TRIM37: variants seen among roughly 807,000 people sequenced by gnomAD.
TRIM37 encodes tripartite motif containing 37.
A neutral mutation model predicts 129.8 loss-of-function variants in TRIM37; 80 were observed. That is an observed-to-expected ratio of 0.62 (90% CI 0.51 to 0.74). TRIM37 has a LOEUF of 0.74. Among genes scored for constraint, TRIM37 ranks in the 30% least tolerant of loss-of-function variants. The probability of loss-of-function intolerance (pLI) is 0.00; values close to 1 mark genes in which losing one functional copy is unlikely to be tolerated. For synonymous variants in TRIM37, 389 were observed against 387.1 expected (o/e 1.00, Z -0.06); for missense variants, 1,054 against 1,176.5 (o/e 0.90, Z 1.52).
intron 22 of TRIM37, among the ~76,000 whole-genome samples, chr17:59,001,924 T>G (rs180783576): frequency 1.2e-4 from 18 of 152,342 alleles, no homozygotes; most frequent in African/African-American, 4.3e-4. Context: ...TTATTTCTGT[T>G]CTCAAAGTTT....
At chr17:58,990,973 G>C (rs2032332858) in intron 24 of TRIM37, among the ~76,000 whole-genome samples, 1 of 150,792 alleles carries the variant, frequency 6.6e-6, no homozygotes, top group Non-Finnish European at 1.5e-5. Context: ...AGGAGTTCAA[G>C]ACCAGCCTGG....
chr17:59,048,623 G>C (rs928554574), intron 15 of TRIM37, among the ~76,000 whole-genome samples: 1 of 151,852 alleles, frequency 6.6e-6, no homozygotes, highest in Admixed American at 6.6e-5. Context: ...TTGAGACAGA[G>C]TCTTGCTCTG....
Position 59,000,799 on chromosome 17 carries a change from G to GA in TRIM37, c.2812+798dup, listed in dbSNP as rs552682855. ...GTTATCTTACAGTAGGCTAGAAAAGGAAAAAAAACCCAAACATCTGAAATC... is the reference window on the plus strand; with the variant it reads ...GTTATCTTACAGTAGGCTAGAAAAGGAAAAAAAAACCCAAACATCTGAAATC... On this transcript the variant is annotated intron_variant, in intron 23 of 23. Coordinates refer to ENST00000262294, the MANE Select transcript of TRIM37 (RefSeq NM_015294.6). 2.0e-3 allele frequency among the ~76,000 whole-genome samples: 298 copies of GA among 151,650 alleles called. 2 individuals carry two copies. The highest frequency in any genetic ancestry group is 6.6e-3 in the African/African-American group (275 of 41,354).
At chr17:59,025,413 T>C (rs1272940056) in intron 19 of TRIM37, among the ~76,000 whole-genome samples, 2 of 151,236 alleles carry the variant, frequency 1.3e-5, no homozygotes, top group Non-Finnish European at 2.9e-5. Context: ...AATATTCATG[T>C]CATGAATGTT....
At chr17:59,092,795 G>C (rs144238168) in intron 2 of TRIM37, among the ~76,000 whole-genome samples, 3,168 of 152,130 alleles carry the variant, frequency 0.021, 41 homozygotes, top group South Asian at 0.036. Context: ...AAATTCCCAA[G>C]GAAACCTTAA....
rs753562399 is a variant in TRIM37 at position 59,104,349 on chromosome 17, G to A, written c.67C>T (p.Arg23Trp). Reference protein sequence around the residue: ...FRCFICMEKLRDARLCPHCSK... With the variant: ...FRCFICMEKLWDARLCPHCSK... ...CAATGAGGACACAGGCGTGCATCCC[G>A]CAATTTCTCCATACAAATGAAACAT... The change falls in exon 2 of 24, where the codon CGG (arginine) becomes TGG (tryptophan). Residue 23 changes from arginine to tryptophan, a missense_variant. Arg to Trp is a moderately radical substitution (Grantham distance 101). Around this residue, in one of 3 missense-constraint regions of TRIM37, gnomAD observed 752 missense variants for 870.8 expected, o/e 0.86. Coordinates refer to ENST00000262294, the MANE Select transcript of TRIM37 (RefSeq NM_015294.6). The A allele has an allele frequency of 8.7e-6, 14 of 1,614,026 alleles. No individual in the cohort carries two copies. The highest frequency in any genetic ancestry group is 6.6e-5 in the South Asian group (6 of 91,090).
At chr17:59,060,904 G>A (rs2041429446) in intron 12 of TRIM37, 128 bp downstream of exon 12, 1 of 693,596 alleles carries the variant, frequency 1.4e-6, no homozygotes, top group Non-Finnish European at 2.5e-6. Context: ...ATGATGCCAA[G>A]AACATATTAT....
chr17:59,069,652 A>T (rs2146727584), intron 9 of TRIM37, among the ~76,000 whole-genome samples: 1 of 152,256 alleles, frequency 6.6e-6, no homozygotes, highest in Admixed American at 6.5e-5. Flanking sequence ...ACAAACTGAA[A>T]ATGTCCATCT....
At chr17:59,066,143 C>A (rs2041903350) in intron 9 of TRIM37, among the ~76,000 whole-genome samples, 2 of 152,186 alleles carry the variant, frequency 1.3e-5, no homozygotes, top group Admixed American at 1.3e-4. Flanking sequence ...TAGCACTCAA[C>A]ATACACAAAC....
Position 59,064,663 on chromosome 17 carries a change from C to T in TRIM37, c.810-258G>A, listed in dbSNP as rs192144615. Among the ~76,000 whole-genome samples the T allele has an allele frequency of 5.9e-5, 9 of 152,302 alleles. No individual in the cohort carries two copies. The East Asian group carries it at 1.2e-3, about 20-fold the overall frequency. ...GTGGCTCACCCCTATAATCCCAGCA[C>T]TCTGGGAGGCCAAGGTGGGTGGATC... On this transcript the variant is annotated intron_variant, in intron 9 of 23. Transcript: ENST00000262294.
chr17:59,015,506 A>C (rs1198307276), intron 21 of TRIM37, 104 bp downstream of exon 21: 1 of 1,216,788 alleles, frequency 8.2e-7, no homozygotes, highest in African/African-American at 1.5e-5. Context: ...CCACTAAAAA[A>C]TTAACAAGGT....
intron 11 of TRIM37, among the ~76,000 whole-genome samples, chr17:59,062,335 A>G (rs574206185): frequency 5.1e-4 from 78 of 152,178 alleles, no homozygotes; most frequent in Non-Finnish European, 7.4e-4. Flanking sequence ...AACATATGAG[A>G]ACTCAGGGAA....
chr17:59,056,419 T>C (rs996695159), intron 13 of TRIM37, among the ~76,000 whole-genome samples: 2 of 151,920 alleles, frequency 1.3e-5, no homozygotes, highest in African/African-American at 4.8e-5. Context: ...ATTATCCACT[T>C]AAATAAAACA....
chr17:59,034,366 T>C (rs1321474999), intron 17 of TRIM37, among the ~76,000 whole-genome samples: 1 of 152,094 alleles, frequency 6.6e-6, no homozygotes, highest in African/African-American at 2.4e-5. Context: ...TTTTTTTTAA[T>C]GTGGGTATGA....
At chr17:58,996,617 C>T (rs2033026555), downstream of TRIM37, among the ~76,000 whole-genome samples, 1 of 151,576 alleles carries the variant, frequency 6.6e-6, no homozygotes, top group African/African-American at 2.4e-5. Context: ...CCCATCTCCA[C>T]AAAAAATAGA....
intron 13 of TRIM37, among the ~76,000 whole-genome samples, chr17:59,056,188 T>C (rs1345583125): frequency 1.3e-5 from 2 of 152,066 alleles, no homozygotes; most frequent in Non-Finnish European, 2.9e-5. Flanking sequence ...CTGGAAGTTG[T>C]AGTTTCCCAC....
At chr17:59,008,621 C>G (rs138048870) in intron 22 of TRIM37, among the ~76,000 whole-genome samples, 1 of 152,042 alleles carries the variant, frequency 6.6e-6, no homozygotes, top group African/African-American at 2.4e-5. Context: ...ATCGGGCGGC[C>G]GGGTGTGGTG....
intron 19 of TRIM37, 93 bp downstream of exon 19, chr17:59,028,322 G>T (rs1279973544): frequency 2.5e-6 from 3 of 1,189,850 alleles, no homozygotes; most frequent in African/African-American, 3.1e-5. Flanking sequence ...CTCACTGGAA[G>T]AGTGGTATTT....
At chr17:59,090,609 T>C (rs1354927038) in intron 3 of TRIM37, among the ~76,000 whole-genome samples, 1 of 152,148 alleles carries the variant, frequency 6.6e-6, no homozygotes, top group Non-Finnish European at 1.5e-5. Flanking sequence ...TTTTTTGTTT[T>C]TATTTTTTTG....
Sources: allele counts gnomAD v4.1 joint callset (sites outside exome capture counted in the v4.1 genomes callset), GRCh38; gene constraint gnomAD v4.1.1; regional missense constraint gnomAD v4.1.1; transcripts MANE v1.5; gene names NCBI Gene and HGNC (gene_info 2026-07-23, HGNC 2026-07-21).